Variants in LNP1 observed in about 807,000 individuals in gnomAD.
LNP1 encodes leukemia NUP98 fusion partner 1.
A neutral mutation model predicts 14.5 loss-of-function variants in LNP1; 12 were observed. The observed-to-expected ratio is 0.83, with a 90% CI of 0.53 to 1.34. The LOEUF is 1.34. LNP1 is among the 40% of genes most tolerant of loss of function. The pLI is 0.00. For missense variants in LNP1, 198 were observed against 210.9 expected, an observed-to-expected ratio of 0.94 and a Z score of 0.38; for synonymous variants, 75 against 71.4, an observed-to-expected ratio of 1.05 and a Z score of -0.26.
intron 3 of LNP1, among the ~76,000 whole-genome samples, chr3:100,452,996 G>C (rs936712466): frequency 6.6e-6 from 1 of 152,146 alleles, no homozygotes; most frequent in African/African-American, 2.4e-5. Flanking sequence ...CCAGGTAGTA[G>C]ACAAAACAAA....
chr3:100,435,861 A>G lies in LNP1; in HGVS notation c.156+5976A>G, dbSNP rs150000886. On this transcript the variant is annotated intron_variant, in intron 2 of 3. Coordinates refer to ENST00000383693, the MANE Select transcript of LNP1 (RefSeq NM_001085451.2). ...AGACTTAATATTTAAACATATTACA[A>G]TTAGGCCCTATTCATGAAAAGATCT... Among the ~76,000 whole-genome samples, 442 of 152,288 alleles carry G rather than the reference A, an allele frequency of 2.9e-3. 1 individual carries two copies. Among genetic ancestry groups the G allele is most frequent in the Non-Finnish European group, 5.4e-3 (364 of 68,016 alleles).
At chr3:100,440,659 A>C (rs971481274) in intron 2 of LNP1, among the ~76,000 whole-genome samples, 10 of 152,168 alleles carry the variant, frequency 6.6e-5, no homozygotes, top group African/African-American at 2.4e-4. Context: ...TATACTGTAC[A>C]TTCAATATAT....
rs761133672 is a variant in LNP1 at position 100,451,856 on chromosome 3, G to A, written c.294G>A (p.Leu98=). 1.6e-6 allele frequency: 2 copies of A among 1,230,420 alleles called. No homozygotes were observed. The highest frequency in any genetic ancestry group is 5.4e-5 in the Admixed American group (2 of 37,198). The allele number at this position is 1,230,420 out of a possible 1,614,324, so 76.2% of individuals were successfully genotyped here. Residue 98 remains leucine, a synonymous_variant, in exon 3 of 4, where the codon CTG becomes CTA. Coordinates refer to ENST00000383693, the MANE Select transcript of LNP1 (RefSeq NM_001085451.2). Reference sequence around the variant, plus strand: ...AGGATGGGTCATTCAAGGAGCCACTGGAATCAAAAGGAAGATCCCATTCCA... The same window carrying A: ...AGGATGGGTCATTCAAGGAGCCACTAGAATCAAAAGGAAGATCCCATTCCA... ...YSEDGSFKEP[L]ESKGRSHSKI...
intron 2 of LNP1, among the ~76,000 whole-genome samples, chr3:100,446,516 A>T (rs1469449267): frequency 6.6e-6 from 1 of 152,208 alleles, no homozygotes; most frequent in Non-Finnish European, 1.5e-5. Flanking sequence ...AACCTAGGCA[A>T]TACCATTCAG....
At chr3:100,436,457 T>C (rs1439803129) in intron 2 of LNP1, among the ~76,000 whole-genome samples, 1 of 152,088 alleles carries the variant, frequency 6.6e-6, no homozygotes, top group Non-Finnish European at 1.5e-5. Context: ...TTTACATACC[T>C]AATAAGATGC....
intron 2 of LNP1, among the ~76,000 whole-genome samples, chr3:100,448,880 T>C (rs1286792761): frequency 3.3e-5 from 5 of 152,184 alleles, no homozygotes; most frequent in Non-Finnish European, 7.4e-5. Flanking sequence ...TTTTCCTATC[T>C]TAGACATTCA....
chr3:100,450,804 C>T (rs1707430208), intron 2 of LNP1, among the ~76,000 whole-genome samples: 1 of 152,148 alleles, frequency 6.6e-6, no homozygotes, highest in South Asian at 2.1e-4. Context: ...GCTCAAACTC[C>T]ATAAAGGAGT....
intron 3 of LNP1, among the ~76,000 whole-genome samples, chr3:100,452,492 C>A (rs757400943): frequency 6.6e-6 from 1 of 152,138 alleles, no homozygotes; most frequent in Non-Finnish European, 1.5e-5. Context: ...CAGGTGTGAG[C>A]CACCACACCC....
In LNP1 at chr3:100,444,178, A is replaced by G. The variant is rs1197049429; in HGVS notation, c.157-7541A>G. 2.0e-5 allele frequency among the ~76,000 whole-genome samples: 3 copies of G among 152,314 alleles called. No individual in the cohort carries two copies. In the East Asian group the frequency reaches 5.8e-4, roughly 29 times the overall value. ...GAAACCTCATTCAAGAGCACCTGTTAAGAGTTTTATAGCTGATTATAAAAC... is the reference window on the plus strand; with the variant it reads ...GAAACCTCATTCAAGAGCACCTGTTGAGAGTTTTATAGCTGATTATAAAAC... On this transcript the variant is annotated intron_variant, in intron 2 of 3. Transcript: ENST00000383693.
chr3:100,447,815 C>CT (rs977433598), intron 2 of LNP1, among the ~76,000 whole-genome samples: 5 of 152,024 alleles, frequency 3.3e-5, no homozygotes, highest in Non-Finnish European at 5.9e-5. Context: ...ATTTTGATAA[C>CT]TTTTTTTTAC....
At chr3:100,416,659 C>T (rs1707087316) in intron 1 of LNP1, among the ~76,000 whole-genome samples, 1 of 128,704 alleles carries the variant, frequency 7.8e-6, no homozygotes. Context: ...TGTTTTTGGT[C>T]TGTCCTTTTT....
chr3:100,434,868 A>G (rs949525716), intron 2 of LNP1, among the ~76,000 whole-genome samples: 1 of 144,274 alleles, frequency 6.9e-6, no homozygotes, highest in Non-Finnish European at 1.5e-5. Flanking sequence ...ACCTTTCTCC[A>G]TTGTATATTC....
intron 1 of LNP1, among the ~76,000 whole-genome samples, chr3:100,429,411 C>G (rs1421809553): frequency 6.6e-6 from 1 of 152,194 alleles, no homozygotes; most frequent in East Asian, 1.9e-4. Context: ...GCAGTGGACT[C>G]TGCATCCCAC....
intron 2 of LNP1, among the ~76,000 whole-genome samples, chr3:100,443,653 G>T (rs1330704464): frequency 6.6e-6 from 1 of 152,112 alleles, no homozygotes; most frequent in Non-Finnish European, 1.5e-5. Context: ...ACAAGTTTGC[G>T]GCCAGTTTTC....
chr3:100,416,599 T>TTTTGTGTGTGTGTGTG (rs1491128284), intron 1 of LNP1, among the ~76,000 whole-genome samples: 1 of 94,620 alleles, frequency 1.1e-5, no homozygotes, highest in Non-Finnish European at 2.1e-5. Context: ...TATATCTTTT[T>TTTTGTGTGTGTGTGTG]TGTGTGTGTG....
At chr3:100,438,416 T>C (rs186868578) in intron 2 of LNP1, among the ~76,000 whole-genome samples, 1 of 152,318 alleles carries the variant, frequency 6.6e-6, no homozygotes, top group Admixed American at 6.5e-5. Flanking sequence ...ATGATTAACC[T>C]TCCTGACTAG....
intron 2 of LNP1, among the ~76,000 whole-genome samples, chr3:100,445,602 T>A (rs938349716): frequency 6.6e-6 from 1 of 152,234 alleles, no homozygotes; most frequent in Non-Finnish European, 1.5e-5. Context: ...AAAACATTTT[T>A]AATCTCAGTT....
At chr3:100,408,908 A>G (rs1041749660) in intron 1 of LNP1, among the ~76,000 whole-genome samples, 2 of 152,074 alleles carry the variant, frequency 1.3e-5, no homozygotes, top group African/African-American at 4.8e-5. Context: ...AGGTGCTATA[A>G]TCTCTCACCT....
chr3:100,437,720 C>A (rs1487270739), intron 2 of LNP1, among the ~76,000 whole-genome samples: 1 of 152,004 alleles, frequency 6.6e-6, no homozygotes, highest in African/African-American at 2.4e-5. Context: ...CAGATGAATT[C>A]CTAAAGACCT....
Sources: allele counts gnomAD v4.1 joint callset (sites outside exome capture counted in the v4.1 genomes callset), GRCh38; gene constraint gnomAD v4.1.1; transcripts MANE v1.5; gene names NCBI Gene and HGNC (gene_info 2026-07-23, HGNC 2026-07-21).